The following RBPMS variants were observed in gnomAD, a reference collection of about 807,000 sequenced individuals.
RBPMS encodes the protein RNA-binding protein with multiple splicing.
RBPMS carries 7 observed loss-of-function variants against 26.8 expected under a neutral mutation model. That is an observed-to-expected ratio of 0.26 (90% CI 0.15 to 0.49). RBPMS has a LOEUF of 0.49. RBPMS is among the 20% of genes least tolerant of loss of function. The pLI is 0.98. For missense variants in RBPMS, 186 were observed against 250.0 expected (o/e 0.74, Z 1.73); for synonymous variants, 96 against 93.3 (o/e 1.03, Z -0.17).
intron 5 of RBPMS, among the ~76,000 whole-genome samples, chr8:30,519,118 A>C (rs1283996411): frequency 1.3e-5 from 2 of 152,214 alleles, no homozygotes; most frequent in African/African-American, 4.8e-5. Flanking sequence ...GCAGGTTTAC[A>C]AAGAAACCAG....
chr8:30,426,544 A>G (rs138748879), intron 1 of RBPMS, among the ~76,000 whole-genome samples: 2 of 152,314 alleles, frequency 1.3e-5, no homozygotes, highest in Admixed American at 6.5e-5. Context: ...GGACCTGAAT[A>G]AAGTTAGGCA....
Position 30,486,689 on chromosome 8 carries a change from C to T in RBPMS, c.246+7312C>T, listed in dbSNP as rs973111185. Among the ~76,000 whole-genome samples, 9 of 151,976 alleles carry T rather than the reference C, an allele frequency of 5.9e-5. No individual in the cohort carries two copies. The East Asian group carries it at 9.6e-4, about 16-fold the overall frequency. Reference sequence around the variant, plus strand: ...GGAAGTTTAAAGAAAGAAAAGTAGTCGGAAATTTTAGTAGCATCCTTTCCC... The same window carrying T: ...GGAAGTTTAAAGAAAGAAAAGTAGTTGGAAATTTTAGTAGCATCCTTTCCC... On this transcript the variant is annotated intron_variant, in intron 4 of 8. Transcript: ENST00000397323.
intron 1 of RBPMS, among the ~76,000 whole-genome samples, chr8:30,424,771 C>T (rs1252106177): frequency 2.6e-5 from 4 of 152,030 alleles, no homozygotes; most frequent in African/African-American, 7.2e-5. Context: ...CTTTAAAGCA[C>T]GGTAAAAGCG....
intron 1 of RBPMS, among the ~76,000 whole-genome samples, chr8:30,389,288 G>A (rs1371526791): frequency 3.3e-5 from 5 of 152,124 alleles, no homozygotes; most frequent in African/African-American, 1.2e-4. Flanking sequence ...TTCCAGTAGC[G>A]GTTTAAACAT....
intron 6 of RBPMS, among the ~76,000 whole-genome samples, chr8:30,557,745 A>T (rs898404420): frequency 6.6e-5 from 10 of 152,246 alleles, no homozygotes; most frequent in Admixed American, 6.5e-4. Flanking sequence ...TGGGGAGACC[A>T]TGCCGCCTCC....
In RBPMS at chr8:30,556,308, G is replaced by A. The variant is rs77814392; in HGVS notation, c.529-2579G>A. 6,503 of 985,674 alleles carry A rather than the reference G, an allele frequency of 6.6e-3. 35 individuals are homozygous for A. The highest frequency in any genetic ancestry group is 7.4e-3 in the Non-Finnish European group (6,171 of 830,100). The allele number at this position is 985,674 out of a possible 1,614,324, so 61.1% of individuals were successfully genotyped here. ...CCGCCTTCATGTCACTCTGGAGTGC[G>A]CCTCGACCAGGCTGACGAGAGCCTG... On this transcript the variant is annotated intron_variant, in intron 6 of 8. Transcript: ENST00000397323.
intron 5 of RBPMS, among the ~76,000 whole-genome samples, chr8:30,538,249 A>G (rs1267762672): frequency 6.6e-6 from 1 of 151,824 alleles, no homozygotes; most frequent in East Asian, 1.9e-4. Flanking sequence ...CCTTTGAGCT[A>G]TTCACCCAAT....
At chr8:30,446,798 T>TGTGTGTGC (rs1400534238) in intron 1 of RBPMS, 3 of 44,622 alleles carry the variant, frequency 6.7e-5, no homozygotes, top group African/African-American at 2.5e-4. Context: ...ACATGGCTTG[T>TGTGTGTGC]GTGTGTGTGT....
chr8:30,499,870 C>CTGTGTG (rs10543546), intron 4 of RBPMS, among the ~76,000 whole-genome samples: 63 of 150,300 alleles, frequency 4.2e-4, no homozygotes, highest in African/African-American at 1.3e-3. Context: ...TCAGGGGAAA[C>CTGTGTG]TGTGTGTGTG....
At chr8:30,486,326 C>T (rs1341761159) in intron 4 of RBPMS, among the ~76,000 whole-genome samples, 8 of 150,294 alleles carry the variant, frequency 5.3e-5, no homozygotes, top group South Asian at 2.1e-4. Flanking sequence ...GATGACAGAG[C>T]GAGACTCCAT....
intron 4 of RBPMS, among the ~76,000 whole-genome samples, chr8:30,502,642 C>G (rs1820682023): frequency 6.6e-6 from 1 of 152,172 alleles, no homozygotes; most frequent in Non-Finnish European, 1.5e-5. Flanking sequence ...GTACGTAACA[C>G]CCAGGGACTG....
chr8:30,505,202 C>CCATA (rs1445688476), intron 5 of RBPMS, among the ~76,000 whole-genome samples: 1 of 152,160 alleles, frequency 6.6e-6, no homozygotes, highest in Admixed American at 6.5e-5. Flanking sequence ...CATTGCAGAG[C>CCATA]CATATGTGAT....
intron 1 of RBPMS, among the ~76,000 whole-genome samples, chr8:30,459,879 C>T (rs1231638191): frequency 6.6e-6 from 1 of 152,206 alleles, no homozygotes; most frequent in East Asian, 1.9e-4. Context: ...CCACAAACCT[C>T]GCCCTTTTTT....
At chr8:30,442,975 T>TTTCAAAG (rs1813289713) in intron 1 of RBPMS, among the ~76,000 whole-genome samples, 1 of 152,212 alleles carries the variant, frequency 6.6e-6, no homozygotes, top group African/African-American at 2.4e-5. Context: ...TTATCATAGC[T>TTTCAAAG]TTTTAAAAAA....
intron 1 of RBPMS, among the ~76,000 whole-genome samples, chr8:30,455,176 T>C (rs1815057871): frequency 6.6e-6 from 1 of 152,190 alleles, no homozygotes; most frequent in South Asian, 2.1e-4. Context: ...TTGCTTATGA[T>C]GGATAAGTGA....
chr8:30,564,102 C>T (rs1585903037), intron 7 of RBPMS: 1 of 152,264 alleles, frequency 6.6e-6, no homozygotes, highest in East Asian at 1.9e-4. Flanking sequence ...TGTGGTACGG[C>T]CAGCACTTCT....
chr8:30,471,988 CATA>C (rs1323324340), intron 1 of RBPMS, among the ~76,000 whole-genome samples: 3 of 151,966 alleles, frequency 2.0e-5, no homozygotes, highest in Non-Finnish European at 4.4e-5. Flanking sequence ...TGTTCTGAAA[CATA>C]AGACAAGGAA....
chr8:30,415,996 T>C (rs1367048568), intron 1 of RBPMS, among the ~76,000 whole-genome samples: 6 of 152,224 alleles, frequency 3.9e-5, no homozygotes, highest in Admixed American at 6.5e-5. Context: ...CCAAGTGATA[T>C]GTGCCATTGC....
At chr8:30,536,968 G>A (rs1824866201) in intron 5 of RBPMS, among the ~76,000 whole-genome samples, 1 of 152,192 alleles carries the variant, frequency 6.6e-6, no homozygotes, top group South Asian at 2.1e-4. Flanking sequence ...CAGGCTCGCA[G>A]AGAGGCTGGC....
Sources: gnomAD v4.1 joint callset for allele counts (sites outside exome capture counted in the v4.1 genomes callset) on GRCh38, gnomAD v4.1.1 for gene constraint, MANE v1.5 for transcripts, NCBI Gene and HGNC (gene_info 2026-07-23, HGNC 2026-07-21) for gene names.